NRG1: variants seen among roughly 807,000 people sequenced by gnomAD.
The protein encoded by NRG1 is pro-neuregulin-1, membrane-bound isoform.
Under a neutral mutation model 63.8 loss-of-function variants are expected in NRG1, and 18 were observed. That is an observed-to-expected ratio of 0.28 (90% CI 0.19 to 0.42). The LOEUF is 0.42. Ranked by LOEUF, NRG1 falls within the 10% of genes least tolerant of loss-of-function variation. The probability of loss-of-function intolerance (pLI) is 1.00; values close to 1 mark genes in which losing one functional copy is unlikely to be tolerated. For synonymous variants in NRG1, 302 were observed against 301.3 expected, an observed-to-expected ratio of 1.00 and a Z score of -0.02; for missense variants, 762 against 814.7, an observed-to-expected ratio of 0.94 and a Z score of 0.79.
intron 1 of NRG1, among the ~76,000 whole-genome samples, chr8:32,149,000 G>T (rs1472481202): frequency 6.6e-6 from 1 of 152,156 alleles, no homozygotes; most frequent in African/African-American, 2.4e-5. Context: ...AATTAAGAAT[G>T]ACTTTGACAA....
At chr8:32,116,971 C>CAAAAAAAAAAAA (rs756283492) in intron 1 of NRG1, among the ~76,000 whole-genome samples, 1 of 31,548 alleles carries the variant, frequency 3.2e-5, no homozygotes, top group Non-Finnish European at 8.1e-5. Context: ...CCTGTCTCTA[C>CAAAAAAAAAAAA]AAAAAAAAAA....
intron 1 of NRG1, among the ~76,000 whole-genome samples, chr8:31,975,600 TAAAG>T (rs1172804071): frequency 1.3e-5 from 2 of 152,022 alleles, no homozygotes; most frequent in African/African-American, 4.8e-5. Flanking sequence ...AAGAAAAAAG[TAAAG>T]AAAGGAAGGA....
intron 1 of NRG1, among the ~76,000 whole-genome samples, chr8:31,856,300 C>A (rs904083724): frequency 2.6e-4 from 40 of 152,266 alleles, no homozygotes; most frequent in African/African-American, 9.4e-4. Context: ...TTCTTGGAGG[C>A]TTTGCTCATT....
chr8:32,560,649 G>T (rs531189472), intron 1 of NRG1, among the ~76,000 whole-genome samples: 1 of 152,256 alleles, frequency 6.6e-6, no homozygotes, highest in Non-Finnish European at 1.5e-5. Flanking sequence ...TGTTATTTTT[G>T]TGGTTGAAAT....
chr8:32,668,039 C>G (rs1012175501), intron 5 of NRG1, among the ~76,000 whole-genome samples: 1 of 151,878 alleles, frequency 6.6e-6, no homozygotes, highest in Non-Finnish European at 1.5e-5. Context: ...ATGGTGGAAC[C>G]CCATCTCTGC....
intron 1 of NRG1, among the ~76,000 whole-genome samples, chr8:32,230,803 A>G (rs1056075098): frequency 1.6e-5 from 2 of 127,034 alleles, no homozygotes; most frequent in Non-Finnish European, 3.4e-5. Context: ...GATACATACA[A>G]TGTATAATAA....
intron 1 of NRG1, among the ~76,000 whole-genome samples, chr8:31,679,915 A>G (rs1299639849): frequency 6.6e-6 from 1 of 152,076 alleles, no homozygotes; most frequent in East Asian, 1.9e-4. Context: ...GTACTTTGCT[A>G]CAAATATTTG....
intron 1 of NRG1, among the ~76,000 whole-genome samples, chr8:31,903,232 T>A (rs1175127151): frequency 6.9e-6 from 1 of 145,592 alleles, no homozygotes; most frequent in African/African-American, 2.6e-5. Context: ...CACTGCAAGC[T>A]CTGCCTCCCG....
At chr8:32,603,039 G>C (rs1166243462) in intron 2 of NRG1, among the ~76,000 whole-genome samples, 1 of 152,026 alleles carries the variant, frequency 6.6e-6, no homozygotes, top group Non-Finnish European at 1.5e-5. Context: ...GTCATCAAAA[G>C]GCCCATTTTG....
intron 1 of NRG1, among the ~76,000 whole-genome samples, chr8:31,645,240 C>T (rs942870895): frequency 6.6e-5 from 10 of 152,118 alleles, no homozygotes; most frequent in Admixed American, 1.3e-4. Flanking sequence ...GAATATCAGT[C>T]GCTTTATAGT....
At chr8:32,065,584 A>G (rs1176161876) in intron 1 of NRG1, among the ~76,000 whole-genome samples, 1 of 152,170 alleles carries the variant, frequency 6.6e-6, no homozygotes. Flanking sequence ...CCAGTCTATC[A>G]TTGTTGGACA....
intron 1 of NRG1, among the ~76,000 whole-genome samples, chr8:32,094,399 G>T (rs964479586): frequency 2.0e-5 from 3 of 152,144 alleles, no homozygotes; most frequent in Non-Finnish European, 2.9e-5. Flanking sequence ...GTGACATGCA[G>T]TGCTCCTGCC....
At chr8:31,849,354 T>C (rs988443584) in intron 1 of NRG1, among the ~76,000 whole-genome samples, 4 of 152,224 alleles carry the variant, frequency 2.6e-5, no homozygotes, top group Admixed American at 1.3e-4. Flanking sequence ...GTGAATTACA[T>C]TGATGTAAAT....
intron 1 of NRG1, among the ~76,000 whole-genome samples, chr8:32,368,298 G>C (rs1808352039): frequency 6.6e-6 from 1 of 152,156 alleles, no homozygotes; most frequent in Non-Finnish European, 1.5e-5. Flanking sequence ...TCTGGGTGTG[G>C]TGGCTCATGC....
At chr8:32,117,376 C>G (rs1447156950) in intron 1 of NRG1, among the ~76,000 whole-genome samples, 1 of 151,964 alleles carries the variant, frequency 6.6e-6, no homozygotes, top group Non-Finnish European at 1.5e-5. Flanking sequence ...TGGTTGTTGT[C>G]GAATTTACTT....
chr8:31,888,537 C>T (rs1391900573), intron 1 of NRG1, among the ~76,000 whole-genome samples: 1 of 151,992 alleles, frequency 6.6e-6, no homozygotes, highest in Non-Finnish European at 1.5e-5. Context: ...TTGAGGCTTC[C>T]AGAGTTCAGA....
In NRG1 at chr8:32,099,716, G is replaced by A. The variant is rs374816383; in HGVS notation, c.37+460285G>A. Reference sequence around the variant, plus strand: ...AGAACCTTGATCACAGGCCAGCCAGGACCTCAAAGGCTCAAGAGAAATGAT... The same window carrying A: ...AGAACCTTGATCACAGGCCAGCCAGAACCTCAAAGGCTCAAGAGAAATGAT... On this transcript the variant is annotated intron_variant, in intron 1 of 10. Coordinates refer to the NRG1 transcript ENST00000519301. The A allele has an allele frequency of 7.4e-4, 112 of 152,354 alleles. 2 individuals carry two copies. The highest frequency in any genetic ancestry group is 2.5e-3 in the African/African-American group (106 of 41,572). The allele number at this position is 152,354 out of a possible 1,614,324, so 9.4% of individuals were successfully genotyped here. A position where few individuals can be genotyped will look rare whatever the true frequency, so the allele number is the denominator to read the frequency against.
intron 1 of NRG1, among the ~76,000 whole-genome samples, chr8:32,422,203 A>C (rs1308508630): frequency 6.6e-6 from 1 of 152,124 alleles, no homozygotes; most frequent in Non-Finnish European, 1.5e-5. Context: ...GTAAAGCATC[A>C]TCCCAATTTC....
At chr8:32,060,803 C>T (rs1823720984) in intron 1 of NRG1, among the ~76,000 whole-genome samples, 1 of 151,798 alleles carries the variant, frequency 6.6e-6, no homozygotes, top group Non-Finnish European at 1.5e-5. Flanking sequence ...TTCGTAGTCA[C>T]CTTATAGCAT....
Sources: gnomAD v4.1 joint callset for allele counts (sites outside exome capture counted in the v4.1 genomes callset) on GRCh38, gnomAD v4.1.1 for gene constraint, MANE v1.5 for transcripts, NCBI Gene and HGNC (gene_info 2026-07-23, HGNC 2026-07-21) for gene names.